The following ZNF385D variants were observed in gnomAD, a reference collection of about 807,000 sequenced individuals.
ZNF385D encodes zinc finger protein 385D, also known as zinc finger protein 659.
A neutral mutation model predicts 35.8 loss-of-function variants in ZNF385D; 15 were observed. The ratio of observed to expected loss-of-function variants is 0.42; its 90% confidence interval spans 0.28 to 0.64. ZNF385D has a LOEUF of 0.64. Ranked by LOEUF, ZNF385D falls within the 30% of genes least tolerant of loss-of-function variation. The probability of loss-of-function intolerance (pLI) is 0.23; values close to 1 mark genes in which losing one functional copy is unlikely to be tolerated. For missense variants in ZNF385D, 474 were observed against 494.6 expected (o/e 0.96, Z 0.39); for synonymous variants, 212 against 186.8 (o/e 1.13, Z -1.10).
At chr3:22,034,097 G>A (rs887929055) in intron 3 of ZNF385D, among the ~76,000 whole-genome samples, 2 of 152,104 alleles carry the variant, frequency 1.3e-5, no homozygotes, top group African/African-American at 4.8e-5. Context: ...TTAACACCCT[G>A]CTGTGGACTG....
At chr3:22,155,160 G>A (rs1705505611) in intron 3 of ZNF385D, among the ~76,000 whole-genome samples, 1 of 151,922 alleles carries the variant, frequency 6.6e-6, no homozygotes, top group Non-Finnish European at 1.5e-5. Context: ...AATATCACGT[G>A]TACCCCGTAA....
intron 2 of ZNF385D, among the ~76,000 whole-genome samples, chr3:22,268,447 T>G (rs1331082820): frequency 6.6e-6 from 1 of 152,022 alleles, no homozygotes; most frequent in African/African-American, 2.4e-5. Context: ...AAAAAGAGGA[T>G]AGTAAATATT....
chr3:22,116,847 A>G (rs1702836552), intron 3 of ZNF385D, among the ~76,000 whole-genome samples: 1 of 152,106 alleles, frequency 6.6e-6, no homozygotes, highest in African/African-American at 2.4e-5. Flanking sequence ...AGCTCTTTAT[A>G]GAAATTGTCT....
At chr3:21,582,583 C>T (rs2063698006) in intron 2 of ZNF385D, among the ~76,000 whole-genome samples, 1 of 152,048 alleles carries the variant, frequency 6.6e-6, no homozygotes, top group South Asian at 2.1e-4. Context: ...AAGTGTTCAG[C>T]AAGACGTTCT....
At chr3:22,067,986 C>G (rs910883404) in intron 3 of ZNF385D, among the ~76,000 whole-genome samples, 1 of 148,494 alleles carries the variant, frequency 6.7e-6, no homozygotes, top group Admixed American at 6.7e-5. Flanking sequence ...GCACACCAGC[C>G]TGGTGAAAGA....
chr3:22,122,673 A>G (rs1436982894), intron 3 of ZNF385D, among the ~76,000 whole-genome samples: 3 of 152,188 alleles, frequency 2.0e-5, no homozygotes, highest in African/African-American at 7.2e-5. Context: ...AAAGAAGAAC[A>G]GAGAGTATAT....
rs1002815069 is a variant in ZNF385D at position 21,682,898 on chromosome 3, T to C, written c.23-17870A>G. 1.0e-4 allele frequency among the ~76,000 whole-genome samples: 15 copies of C among 150,076 alleles called. 1 individual carries two copies. The highest frequency in any genetic ancestry group is 4.7e-4 in the Admixed American group (7 of 15,048). ...ACCAGTAAGATTTTACTTTCTAAGA[T>C]AGTCATCAGCCAGATTTGGTTCTCT... is the stretch of plus-strand genomic sequence containing the variant. On this transcript the variant is annotated intron_variant, in intron 1 of 7. Coordinates refer to ENST00000281523, the MANE Select transcript of ZNF385D (RefSeq NM_024697.3).
intron 2 of ZNF385D, among the ~76,000 whole-genome samples, chr3:21,615,817 T>TGTGTGTGTGTGTG (rs1559462215): frequency 7.3e-5 from 11 of 150,534 alleles, no homozygotes; most frequent in South Asian, 2.1e-4. Flanking sequence ...TGTGTGTGTG[T>TGTGTGTGTGTGTG]TTACTGGTTA....
chr3:22,083,659 T>C (rs776413420), intron 3 of ZNF385D, among the ~76,000 whole-genome samples: 29 of 152,234 alleles, frequency 1.9e-4, no homozygotes, highest in Admixed American at 2.6e-4. Context: ...AAACACTCTG[T>C]AGGATATTAT....
At chr3:21,876,195 G>T (rs958387330) in intron 3 of ZNF385D, among the ~76,000 whole-genome samples, 5 of 151,414 alleles carry the variant, frequency 3.3e-5, no homozygotes, top group African/African-American at 9.7e-5. Flanking sequence ...AAACCTGAGG[G>T]ATAGAAAATG....
At chr3:21,543,549 C>CAGA (rs762989499) in intron 3 of ZNF385D, among the ~76,000 whole-genome samples, 1 of 152,184 alleles carries the variant, frequency 6.6e-6, no homozygotes, top group Non-Finnish European at 1.5e-5. Flanking sequence ...CCACAAGCGT[C>CAGA]TGCAGCCTTC....
intron 3 of ZNF385D, among the ~76,000 whole-genome samples, chr3:22,166,316 T>C (rs1217499396): frequency 6.6e-6 from 1 of 152,210 alleles, no homozygotes; most frequent in Non-Finnish European, 1.5e-5. Context: ...AGTATATTAA[T>C]CAAAGAATTT....
chr3:22,063,043 T>G (rs76340305), intron 3 of ZNF385D, among the ~76,000 whole-genome samples: 1,885 of 152,264 alleles, frequency 0.012, 33 homozygotes, highest in African/African-American at 0.042. Context: ...TTTTTTTTAT[T>G]TAATCCATTA....
chr3:22,150,832 T>G (rs973742275), intron 3 of ZNF385D, among the ~76,000 whole-genome samples: 12 of 152,132 alleles, frequency 7.9e-5, no homozygotes, highest in Non-Finnish European at 1.3e-4. Flanking sequence ...TATAATCATG[T>G]GTAGAGTGCA....
At chr3:21,945,204 A>C (rs372708243) in intron 3 of ZNF385D, among the ~76,000 whole-genome samples, 1 of 152,058 alleles carries the variant, frequency 6.6e-6, no homozygotes, top group Non-Finnish European at 1.5e-5. Flanking sequence ...ATTGAGAGAA[A>C]GAGAATGAAA....
chr3:21,679,089 C>T (rs1055513902), intron 1 of ZNF385D, among the ~76,000 whole-genome samples: 2 of 149,676 alleles, frequency 1.3e-5, no homozygotes, highest in Non-Finnish European at 3.0e-5. Context: ...CTTAAGAGGG[C>T]AGGCTTTGTC....
intron 3 of ZNF385D, among the ~76,000 whole-genome samples, chr3:21,989,337 C>A (rs754406297): frequency 6.6e-6 from 1 of 152,132 alleles, no homozygotes; most frequent in Admixed American, 6.5e-5. Flanking sequence ...TCCTAGGATG[C>A]ATTTCTGGAA....
At chr3:21,598,083 C>A (rs1336580004) in intron 2 of ZNF385D, among the ~76,000 whole-genome samples, 1 of 152,138 alleles carries the variant, frequency 6.6e-6, no homozygotes, top group African/African-American at 2.4e-5. Flanking sequence ...AAACACATTT[C>A]TAATAATTCA....
At chr3:21,709,772 A>G (rs1478502747) in intron 1 of ZNF385D, among the ~76,000 whole-genome samples, 1 of 152,236 alleles carries the variant, frequency 6.6e-6, no homozygotes, top group Non-Finnish European at 1.5e-5. Flanking sequence ...TATACACTTA[A>G]TATATGACTC....
Sources: allele counts gnomAD v4.1 joint callset (sites outside exome capture counted in the v4.1 genomes callset), GRCh38; gene constraint gnomAD v4.1.1; transcripts MANE v1.5; gene names NCBI Gene and HGNC (gene_info 2026-07-23, HGNC 2026-07-21).